Variants in AKR1B15 observed in about 807,000 individuals in gnomAD.
The protein encoded by AKR1B15 is aldo-keto reductase family 1 member B15, also known as estradiol 17-beta-dehydrogenase AKR1B15.
Under a neutral mutation model 38.5 loss-of-function variants are expected in AKR1B15, and 49 were observed. That is an observed-to-expected ratio of 1.27 (90% CI 1.01 to 1.62). The LOEUF (loss-of-function observed/expected upper bound fraction) is 1.62. AKR1B15 is among the 40% of genes most tolerant of loss of function. The pLI is 0.00. For missense variants in AKR1B15, 411 were observed against 381.6 expected, an observed-to-expected ratio of 1.08 and a Z score of -0.64; for synonymous variants, 137 against 135.5, an observed-to-expected ratio of 1.01 and a Z score of -0.08.
intron 2 of AKR1B15, among the ~76,000 whole-genome samples, chr7:134,561,308 G>C (rs1794383660): frequency 6.6e-6 from 1 of 152,176 alleles, no homozygotes; most frequent in Non-Finnish European, 1.5e-5. Flanking sequence ...CCACCTCCTA[G>C]GTTCAAGTGA....
chr7:134,549,713 A>G (rs1793899965), intron 1 of AKR1B15, among the ~76,000 whole-genome samples: 1 of 152,170 alleles, frequency 6.6e-6, no homozygotes, highest in Non-Finnish European at 1.5e-5. Context: ...AGGGCATCTG[A>G]CTGATCCCAT....
In AKR1B15 at chr7:134,557,605, G is replaced by A. The variant is rs545253101; in HGVS notation, c.-23+746G>A. Among the ~76,000 whole-genome samples, 7 of 151,424 alleles carry A rather than the reference G, an allele frequency of 4.6e-5. No individual in the cohort carries two copies. The East Asian group carries it at 5.8e-4, about 13-fold the overall frequency. On this transcript the variant is annotated intron_variant, in intron 2 of 11. Coordinates refer to ENST00000457545, the MANE Select transcript of AKR1B15 (RefSeq NM_001080538.3). Reference sequence around the variant, plus strand: ...GGTTGACGGTGCCCAAAGCCTTTGCGTTTATCACTTTGTGATAATTTAAGC... The same window carrying A: ...GGTTGACGGTGCCCAAAGCCTTTGCATTTATCACTTTGTGATAATTTAAGC...
intron 1 of AKR1B15, among the ~76,000 whole-genome samples, chr7:134,553,252 C>T (rs930113393): frequency 1.3e-5 from 2 of 152,212 alleles, no homozygotes; most frequent in Non-Finnish European, 2.9e-5. Flanking sequence ...CCCCTGTACA[C>T]CACTACTGGA....
intron 11 of AKR1B15, 104 bp downstream of exon 11, chr7:134,577,890 A>G: frequency 7.4e-7 from 1 of 1,342,982 alleles, no homozygotes; most frequent in Non-Finnish European, 1.0e-6. Flanking sequence ...TTGTGTCTTC[A>G]AATACTATTT....
At chr7:134,557,192 G>A (rs1307450171) in intron 2 of AKR1B15, among the ~76,000 whole-genome samples, 4 of 152,116 alleles carry the variant, frequency 2.6e-5, no homozygotes, top group South Asian at 2.1e-4. Flanking sequence ...CTGGGTTGGC[G>A]GGACCCCCTT....
chr7:134,559,163 G>C (rs1323276679), intron 2 of AKR1B15, among the ~76,000 whole-genome samples: 1 of 151,968 alleles, frequency 6.6e-6, no homozygotes, highest in African/African-American at 2.4e-5. Context: ...TGTAACTCAG[G>C]CTAGTCATTT....
intron 10 of AKR1B15, 59 bp downstream of exon 10, chr7:134,577,105 T>C: frequency 4.0e-6 from 6 of 1,501,482 alleles, no homozygotes; most frequent in African/African-American, 1.4e-5. Flanking sequence ...CAGGCAGACC[T>C]TCTCACTAGG....
At chr7:134,560,651 T>C (rs903490682) in intron 2 of AKR1B15, among the ~76,000 whole-genome samples, 3 of 152,194 alleles carry the variant, frequency 2.0e-5, no homozygotes, top group Non-Finnish European at 4.4e-5. Flanking sequence ...CACATGAAAA[T>C]GGTCAGAATC....
In AKR1B15 at chr7:134,565,443, C is replaced by T. The variant is rs1794510690; in HGVS notation, c.150+674C>T. ...ACTCTGGACACAGCAGGACGTGAGA[C>T]TTCTACCTGCTCACTCAGAATCATT... On this transcript the variant is annotated intron_variant, in intron 3 of 11. Transcript: ENST00000457545. 6 of 1,612,240 alleles carry T rather than the reference C, an allele frequency of 3.7e-6. No homozygotes were observed. The South Asian group carries it at 5.5e-5, about 15-fold the overall frequency.
chr7:134,558,073 G>A (rs1459947146), intron 2 of AKR1B15, among the ~76,000 whole-genome samples: 1 of 152,146 alleles, frequency 6.6e-6, no homozygotes, highest in African/African-American at 2.4e-5. Flanking sequence ...TCTCATGAGG[G>A]AAGTCTTGTC....
intron 1 of AKR1B15, among the ~76,000 whole-genome samples, chr7:134,550,489 G>A (rs1039184431): frequency 1.3e-5 from 2 of 152,142 alleles, no homozygotes; most frequent in Admixed American, 6.5e-5. Flanking sequence ...AAGTCCCACT[G>A]GCTGAGGATC....
chr7:134,571,739 T>A (rs1208708211), intron 6 of AKR1B15, 58 bp downstream of exon 6: 4 of 1,349,458 alleles, frequency 3.0e-6, no homozygotes, highest in African/African-American at 1.5e-5. Context: ...ATCCATGAGA[T>A]TCCCATTGAT....
chr7:134,562,832 C>CTCTCTCTTTCTT (rs1554402358), intron 2 of AKR1B15, among the ~76,000 whole-genome samples: 42 of 122,692 alleles, frequency 3.4e-4, no homozygotes, highest in East Asian at 1.6e-3. Flanking sequence ...TCCTTCCTTT[C>CTCTCTCTTTCTT]TCTTTCTTTC....
chr7:134,557,981 A>T (rs998578638), intron 2 of AKR1B15, among the ~76,000 whole-genome samples: 1 of 152,200 alleles, frequency 6.6e-6, no homozygotes, highest in Non-Finnish European at 1.5e-5. Context: ...ATTGAACAAA[A>T]GACGTTGATA....
At position 134,575,441 on chromosome 7, in the gene AKR1B15, G is replaced by C. The variant is rs375750709; in HGVS notation, c.535G>C (p.Glu179Gln). 5.0e-6 allele frequency: 8 copies of C among 1,613,712 alleles called. No individual in the cohort carries two copies. In the African/African-American group the frequency reaches 9.3e-5, roughly 19 times the overall value. Residue 179 changes from glutamate to glutamine, a missense_variant, in exon 7 of 12, where the codon GAG (glutamate) becomes CAG (glutamine). Transcript: ENST00000457545. ...ATAGGCCATGGAGGAGCTGGTGGAC[G>C]AGGGGCTGGTGAAAGCCCTTGGGGT... ...AWEAMEELVD[E>Q]GLVKALGVSN...
intron 1 of AKR1B15, among the ~76,000 whole-genome samples, chr7:134,551,687 A>G (rs904479709): frequency 6.6e-6 from 1 of 152,186 alleles, no homozygotes; most frequent in Non-Finnish European, 1.5e-5. Flanking sequence ...CCATCCAAGA[A>G]GCCAAAAAGG....
intron 4 of AKR1B15, among the ~76,000 whole-genome samples, 188 bp from the exon 5 acceptor site, chr7:134,569,225 C>T (rs546475631): frequency 2.6e-5 from 4 of 152,332 alleles, no homozygotes; most frequent in Admixed American, 2.6e-4. Context: ...GCTTTTAAAA[C>T]TTAAGACATG....
chr7:134,570,858 A>C (rs1316144054), intron 5 of AKR1B15, among the ~76,000 whole-genome samples: 1 of 152,226 alleles, frequency 6.6e-6, no homozygotes, highest in African/African-American at 2.4e-5. Flanking sequence ...GTCTGAGAGA[A>C]GACATGATTT....
intron 1 of AKR1B15, among the ~76,000 whole-genome samples, chr7:134,551,787 C>T (rs1793988075): frequency 6.6e-6 from 1 of 152,174 alleles, no homozygotes; most frequent in Admixed American, 6.5e-5. Flanking sequence ...ATAAAGAAAC[C>T]AATGTGCTTC....
Sources: allele counts gnomAD v4.1 joint callset (sites outside exome capture counted in the v4.1 genomes callset), GRCh38; gene constraint gnomAD v4.1.1; transcripts MANE v1.5; gene names NCBI Gene and HGNC (gene_info 2026-07-23, HGNC 2026-07-21).